Variants in ADIPOR1 observed in about 807,000 individuals in gnomAD.
The protein encoded by ADIPOR1 is adiponectin receptor protein 1.
In ADIPOR1, 15 loss-of-function variants were observed where a neutral mutation model predicts 37.5. The observed-to-expected ratio is 0.40, with a 90% CI of 0.27 to 0.62. The LOEUF is 0.62. Ranked by LOEUF, ADIPOR1 falls within the 20% of genes least tolerant of loss-of-function variation. ADIPOR1 has a pLI of 0.42. For missense variants in ADIPOR1, 286 were observed against 478.0 expected (o/e 0.60, Z 3.75); for synonymous variants, 173 against 173.2 (o/e 1.00, Z 0.01).
chr1:202,944,943 A>G (rs1329086742), intron 5 of ADIPOR1, 40 bp downstream of exon 5: 1 of 1,551,610 alleles, frequency 6.4e-7, no homozygotes, highest in Non-Finnish European at 8.8e-7. Context: ...AGATGTGACA[A>G]CAGTGCACAG....
chr1:202,953,582 T>C (rs1311610354), intron 1 of ADIPOR1, among the ~76,000 whole-genome samples: 1 of 143,742 alleles, frequency 7.0e-6, no homozygotes, highest in African/African-American at 3.0e-5. Flanking sequence ...CTTGTGCTTG[T>C]GGTGGCTTCT....
In ADIPOR1 at chr1:202,950,969, T is replaced by C; in HGVS notation, c.102A>G (p.Leu34=). Residue 34 remains leucine, a synonymous_variant, in exon 2 of 8, where the codon CTA becomes CTG. Coordinates refer to ENST00000340990, the MANE Select transcript of ADIPOR1 (RefSeq NM_015999.6). The part of the protein sequence containing the change: ...TVELAELGPL[L]EEKGKRVIAN... The stretch of plus-strand genomic sequence containing the variant: ...CGATTACCCGTTTGCCCTTCTCTTC[T>C]AGCAGGGGTCCCAGTTCAGCCAGTT... 9.3e-6 allele frequency: 15 copies of C among 1,614,200 alleles called. No homozygotes were observed. Among genetic ancestry groups the C allele is most frequent in the Non-Finnish European group, 1.3e-5 (15 of 1,180,026 alleles).
At chr1:202,955,391 C>T (rs143198493) in intron 1 of ADIPOR1, among the ~76,000 whole-genome samples, 2 of 125,590 alleles carry the variant, frequency 1.6e-5, no homozygotes, top group East Asian at 6.2e-4. Flanking sequence ...CCATGCCCAG[C>T]TAATTTTATT....
At chr1:202,941,845 A>AG in intron 7 of ADIPOR1, 144 bp from the exon 8 acceptor site, 4 of 1,284,468 alleles carry the variant, frequency 3.1e-6, no homozygotes, top group Non-Finnish European at 4.2e-6. Flanking sequence ...AGAAAGTTTT[A>AG]AAAACACAGT....
At chr1:202,951,981 C>G (rs543457062) in intron 1 of ADIPOR1, among the ~76,000 whole-genome samples, 1 of 152,290 alleles carries the variant, frequency 6.6e-6, no homozygotes, top group South Asian at 2.1e-4. Context: ...AAACTAGAGA[C>G]AGGCACACAC....
chr1:202,945,022 ACGGTGTGAAAGAG>A lies in ADIPOR1; in HGVS notation c.565_577del (p.Leu189SerfsTer23), dbSNP rs1422100731. 2 of 1,613,730 alleles carry A rather than the reference ACGGTGTGAAAGAG, an allele frequency of 1.2e-6. No homozygotes were observed. Among genetic ancestry groups the A allele is most frequent in the Non-Finnish European group, 1.7e-6 (2 of 1,179,924 alleles). ...AGAGACTTTCTCTGAATGACAATAG[ACGGTGTGAAAGAG>A]CCAGGAGAAGCTGAGGCAGAGCACT... On this transcript the variant is annotated frameshift_variant, in exon 5 of 8. Coordinates refer to ENST00000340990, the MANE Select transcript of ADIPOR1 (RefSeq NM_015999.6). LOFTEE classifies it high-confidence loss of function.
rs1196631555 is a variant in ADIPOR1, at chr1:202,941,599, C to T, written c.1102G>A (p.Gly368Ser). Reference protein sequence around the residue: ...LQEFRYGLEGGCTDDTLL With the variant: ...LQEFRYGLEGSCTDDTLL ...CAGAGAAGGGTGTCATCAGTACAGC[C>T]GCCTTCTAGGCCGTAACGGAATTCC... The change falls in exon 8 of 8, where the codon GGC becomes AGC. Residue 368 changes from glycine to serine, a missense_variant. Physicochemically the swap from Gly to Ser is moderately conservative, Grantham distance 56. Coordinates refer to ENST00000340990, the MANE Select transcript of ADIPOR1 (RefSeq NM_015999.6). 6.2e-7 allele frequency: 1 copy of T among 1,613,946 alleles called. No homozygotes were observed. The highest frequency in any genetic ancestry group is 8.5e-7 in the Non-Finnish European group (1 of 1,180,022).
At chr1:202,952,886 G>C (rs1181277785) in intron 1 of ADIPOR1, among the ~76,000 whole-genome samples, 2 of 152,210 alleles carry the variant, frequency 1.3e-5, no homozygotes, top group African/African-American at 4.8e-5. Context: ...ACAGTCATGA[G>C]TCATGCTATG....
Position 202,941,446 on chromosome 1 carries a change from T to C in ADIPOR1, c.*127A>G. The stretch of plus-strand genomic sequence containing the variant: ...GTGTGAAAGTGGGCTGAAGCTTGGT[T>C]GGTACTGAATTCTCTAAGAGGTTTC... On this transcript the variant is annotated 3_prime_UTR_variant, in exon 8 of 8. Coordinates refer to ENST00000340990, the MANE Select transcript of ADIPOR1 (RefSeq NM_015999.6). 6 of 1,202,914 alleles carry C rather than the reference T, an allele frequency of 5.0e-6. No homozygotes were observed. The highest frequency in any genetic ancestry group is 6.8e-6 in the Non-Finnish European group (6 of 881,366). The allele number at this position is 1,202,914 out of a possible 1,614,324, so 74.5% of individuals were successfully genotyped here.
intron 1 of ADIPOR1, among the ~76,000 whole-genome samples, chr1:202,953,766 T>C (rs532507959): frequency 2.0e-5 from 3 of 152,334 alleles, no homozygotes; most frequent in Admixed American, 2.0e-4. Context: ...ATAGGTAGTT[T>C]GTGATATGCA....
At chr1:202,954,952 A>G (rs1539355) in intron 1 of ADIPOR1, among the ~76,000 whole-genome samples, 49,439 of 151,960 alleles carry the variant, frequency 0.33, 8,615 homozygotes, top group African/African-American at 0.45. Context: ...GTCTATGGGT[A>G]GCCTCTATCC....
rs758721378 is a variant in ADIPOR1, at chr1:202,941,672, C to A, written c.1029G>T (p.Leu343=). The change falls in exon 8 of 8, where the codon CTG becomes CTT. Residue 343 remains leucine (L), a synonymous_variant. Transcript: ENST00000340990. The part of the protein sequence containing the change: ...WFQSHQIFHV[L]VVAAAFVHFY... Reference sequence around the variant, plus strand: ...AGTGGACAAAGGCTGCTGCCACCACCAGGACATGGAAAATCTGATGAGACT... The same window carrying A: ...AGTGGACAAAGGCTGCTGCCACCACAAGGACATGGAAAATCTGATGAGACT... The A allele has an allele frequency of 6.2e-7, 1 of 1,614,066 alleles. No homozygotes were observed. Among genetic ancestry groups the A allele is most frequent in the Non-Finnish European group, 8.5e-7 (1 of 1,180,018 alleles).
At chr1:202,949,090 T>G (rs1373454290) in intron 2 of ADIPOR1, among the ~76,000 whole-genome samples, 1 of 151,328 alleles carries the variant, frequency 6.6e-6, no homozygotes, top group Non-Finnish European at 1.5e-5. Flanking sequence ...ATGCCCAGCC[T>G]ACGTTTTCAA....
intron 1 of ADIPOR1, among the ~76,000 whole-genome samples, chr1:202,954,966 C>G (rs1417104315): frequency 2.0e-5 from 3 of 152,116 alleles, no homozygotes; most frequent in African/African-American, 7.2e-5. Context: ...TCTATCCATA[C>G]CTAGCTTGAT....
At chr1:202,944,843 G>A (rs149982861) in intron 5 of ADIPOR1, 140 bp downstream of exon 5, 335 of 773,522 alleles carry the variant, frequency 4.3e-4, no homozygotes, top group East Asian at 8.1e-4. Context: ...CCCCACTATC[G>A]CCACAGAACA....
At position 202,957,091 on chromosome 1, in the gene ADIPOR1, C is replaced by T. The variant is rs1270227751; in HGVS notation, c.-95+1094G>A. Among the ~76,000 whole-genome samples the T allele has an allele frequency of 3.9e-5, 6 of 152,116 alleles. No individual in the cohort carries two copies. The South Asian group carries it at 1.0e-3, about 26-fold the overall frequency. On this transcript the variant is annotated intron_variant, in intron 1 of 7. Transcript: ENST00000340990. ...GTAAATACATTTAGTAGCTGCAAGC[C>T]GGTACCCTGACATTGCAATCTGTTT...
chr1:202,957,419 A>C (rs1452037979), intron 1 of ADIPOR1, among the ~76,000 whole-genome samples: 1 of 151,986 alleles, frequency 6.6e-6, no homozygotes. Context: ...GTAAACTGAA[A>C]TTGGCCTTGT....
chr1:202,958,437 C>T (rs1350410295), upstream of ADIPOR1: 1 of 153,918 alleles, frequency 6.5e-6, no homozygotes, highest in African/African-American at 2.4e-5. Flanking sequence ...CGCCCCGGGC[C>T]CCGCCCTGCT....
chr1:202,953,990 C>A (rs1654682139), intron 1 of ADIPOR1, among the ~76,000 whole-genome samples: 1 of 152,206 alleles, frequency 6.6e-6, no homozygotes. Flanking sequence ...CTAATTTCAT[C>A]ATTTGATCTG....
Sources: allele counts gnomAD v4.1 joint callset (sites outside exome capture counted in the v4.1 genomes callset), GRCh38; gene constraint gnomAD v4.1.1; transcripts MANE v1.5; gene names NCBI Gene and HGNC (gene_info 2026-07-23, HGNC 2026-07-21).